The following SAMD3 variants were observed in gnomAD, a reference collection of about 807,000 sequenced individuals.
The protein encoded by SAMD3 is sterile alpha motif domain containing 3, also known as sterile alpha motif domain-containing protein 3.
Under a neutral mutation model 58.5 loss-of-function variants are expected in SAMD3, and 63 were observed. The observed-to-expected ratio is 1.08, with a 90% CI of 0.88 to 1.33. The LOEUF (loss-of-function observed/expected upper bound fraction) is 1.33, where lower values mean the gene tolerates loss of function less well. SAMD3 is among the 40% of genes most tolerant of loss of function. The pLI, the probability that SAMD3 is intolerant of heterozygous loss-of-function variation, is 0.00. For missense variants in SAMD3, 604 were observed against 608.4 expected (o/e 0.99, Z 0.08); for synonymous variants, 220 against 210.3 (o/e 1.05, Z -0.40).
intron 2 of SAMD3, among the ~76,000 whole-genome samples, chr6:130,286,637 G>A (rs563748753): frequency 9.2e-5 from 14 of 151,936 alleles, no homozygotes; most frequent in African/African-American, 2.2e-4. Context: ...CTATTCTCCC[G>A]ATGCTTCTGT....
chr6:130,248,959 T>C (rs554452582), intron 2 of SAMD3, among the ~76,000 whole-genome samples: 2 of 152,338 alleles, frequency 1.3e-5, no homozygotes, highest in East Asian at 1.9e-4. Context: ...TCTGTGTTTG[T>C]CTCACCGAGC....
intron 2 of SAMD3, among the ~76,000 whole-genome samples, chr6:130,307,502 A>C (rs1426492604): frequency 6.6e-6 from 1 of 152,218 alleles, no homozygotes; most frequent in Non-Finnish European, 1.5e-5. Context: ...AATATTCTTT[A>C]AGAGAGGAAT....
intron 2 of SAMD3, among the ~76,000 whole-genome samples, chr6:130,246,124 T>C (rs1044848096): frequency 1.3e-5 from 2 of 152,132 alleles, no homozygotes; most frequent in African/African-American, 4.8e-5. Flanking sequence ...TGTTCAGAAG[T>C]TCATAGAACA....
intron 2 of SAMD3, among the ~76,000 whole-genome samples, chr6:130,263,630 G>T (rs903957878): frequency 3.9e-5 from 6 of 152,122 alleles, no homozygotes; most frequent in Admixed American, 1.3e-4. Flanking sequence ...TTCTTTCCTC[G>T]TTCTATTGCT....
intron 1 of SAMD3, among the ~76,000 whole-genome samples, chr6:130,364,939 A>G (rs1778092718): frequency 7.5e-6 from 1 of 132,950 alleles, no homozygotes; most frequent in South Asian, 2.6e-4. Context: ...CTTGAAAACG[A>G]GATAAACAGA....
chr6:130,307,023 C>T lies in SAMD3; in HGVS notation c.-188+5955G>A, dbSNP rs75598137. On this transcript the variant is annotated intron_variant, in intron 2 of 13. Coordinates refer to the SAMD3 transcript ENST00000368134. ...CTTATTCTCTCATTCTCTCTGTTTC[C>T]TAGCCTTTTTGAATCATTTTAATAC... is the stretch of plus-strand genomic sequence containing the variant. Among the ~76,000 whole-genome samples, 1,179 of 152,248 alleles carry T rather than the reference C, an allele frequency of 7.7e-3. 15 individuals carry two copies. The highest frequency in any genetic ancestry group is 0.023 in the African/African-American group (957 of 41,560).
chr6:130,287,593 AG>A (rs1294525326), intron 2 of SAMD3, among the ~76,000 whole-genome samples: 5 of 152,166 alleles, frequency 3.3e-5, no homozygotes, highest in Non-Finnish European at 7.3e-5. Flanking sequence ...AGAACACACA[AG>A]GGAGAGAAGT....
chr6:130,303,172 A>G (rs1156250162), intron 2 of SAMD3, among the ~76,000 whole-genome samples: 1 of 152,068 alleles, frequency 6.6e-6, no homozygotes, highest in Non-Finnish European at 1.5e-5. Flanking sequence ...TCCTGCCTCT[A>G]TTGTTCAGGG....
intron 1 of SAMD3, among the ~76,000 whole-genome samples, chr6:130,336,941 C>G (rs1040852696): frequency 5.3e-5 from 8 of 152,146 alleles, no homozygotes; most frequent in African/African-American, 1.7e-4. Context: ...TACAATCAAG[C>G]CTTAACTAGA....
chr6:130,354,766 T>C (rs776658998), intron 1 of SAMD3, among the ~76,000 whole-genome samples: 2 of 152,112 alleles, frequency 1.3e-5, no homozygotes, highest in Non-Finnish European at 2.9e-5. Flanking sequence ...AATTTACCTA[T>C]ATAACAAACC....
At chr6:130,162,855 G>A (rs1582759090) in intron 8 of SAMD3, among the ~76,000 whole-genome samples, 1 of 152,162 alleles carries the variant, frequency 6.6e-6, no homozygotes, top group African/African-American at 2.4e-5. Context: ...GTCCAGTATG[G>A]TAGCCACTAG....
chr6:130,213,259 C>T lies in SAMD3; in HGVS notation c.269+1078G>A, dbSNP rs191459810. 9.6e-3 allele frequency among the ~76,000 whole-genome samples: 1,458 copies of T among 151,842 alleles called. 18 individuals are homozygous for T. Among genetic ancestry groups the T allele is most frequent in the Middle Eastern group, 0.027 (8 of 294 alleles). ...GCTGCCGTGAGCTATGATCCTGCCACAGCACTCCAGCCTGGGGGTCAGACT... is the reference window on the plus strand; with the variant it reads ...GCTGCCGTGAGCTATGATCCTGCCATAGCACTCCAGCCTGGGGGTCAGACT... On this transcript the variant is annotated intron_variant, in intron 4 of 11. Coordinates refer to ENST00000439090, the MANE Select transcript of SAMD3 (RefSeq NM_001017373.4).
At chr6:130,197,023 C>T (rs1450098698) in intron 5 of SAMD3, among the ~76,000 whole-genome samples, 1 of 152,202 alleles carries the variant, frequency 6.6e-6, no homozygotes, top group Non-Finnish European at 1.5e-5. Flanking sequence ...CCTCCATCTT[C>T]AGGAAAAGTA....
intron 9 of SAMD3, among the ~76,000 whole-genome samples, chr6:130,154,118 C>T (rs558655668): frequency 6.6e-6 from 1 of 152,214 alleles, no homozygotes; most frequent in East Asian, 1.9e-4. Flanking sequence ...TAATGATTCA[C>T]ACTGTCAAAA....
intron 7 of SAMD3, among the ~76,000 whole-genome samples, chr6:130,179,475 A>G (rs1292337819): frequency 6.6e-6 from 1 of 152,178 alleles, no homozygotes; most frequent in Non-Finnish European, 1.5e-5. Flanking sequence ...GAAGCAGTCC[A>G]CAGCATCACG....
At chr6:130,165,868 A>AT (rs1032990873) in intron 8 of SAMD3, among the ~76,000 whole-genome samples, 1 of 152,174 alleles carries the variant, frequency 6.6e-6, no homozygotes, top group African/African-American at 2.4e-5. Context: ...CCATCAAGGA[A>AT]TTTTTTGGTT....
chr6:130,339,607 CTG>C (rs762531953), intron 1 of SAMD3, among the ~76,000 whole-genome samples: 13 of 152,220 alleles, frequency 8.5e-5, no homozygotes, highest in Non-Finnish European at 1.6e-4. Flanking sequence ...CCATGCAGAA[CTG>C]TGAGTCAATT....
intron 1 of SAMD3, among the ~76,000 whole-genome samples, chr6:130,351,817 T>C (rs1040752640): frequency 1.1e-4 from 17 of 152,168 alleles, no homozygotes; most frequent in African/African-American, 4.1e-4. Context: ...CCAACCCAAA[T>C]GTCCATCAAT....
At chr6:130,158,649 C>T (rs528388522) in intron 8 of SAMD3, among the ~76,000 whole-genome samples, 26 of 152,230 alleles carry the variant, frequency 1.7e-4, no homozygotes, top group East Asian at 1.2e-3. Context: ...AGGTTCTTGG[C>T]GTTTTGAACA....
Sources: allele counts gnomAD v4.1 joint callset (sites outside exome capture counted in the v4.1 genomes callset), GRCh38; gene constraint gnomAD v4.1.1; transcripts MANE v1.5; gene names NCBI Gene and HGNC (gene_info 2026-07-23, HGNC 2026-07-21).